The following FAM83D variants were observed in gnomAD, a reference collection of about 807,000 sequenced individuals.
FAM83D encodes the protein scaffolding CK1 anchoring protein D, also known as protein FAM83D.
FAM83D carries 26 observed loss-of-function variants against 25.4 expected under a neutral mutation model. That is an observed-to-expected ratio of 1.02 (90% CI 0.75 to 1.42). The LOEUF (loss-of-function observed/expected upper bound fraction) is 1.42. Ranked by LOEUF, FAM83D falls within the 40% of genes most tolerant of loss-of-function variation. The pLI, the probability that FAM83D is intolerant of heterozygous loss-of-function variation, is 0.00. For missense variants in FAM83D, 740 were observed against 758.1 expected (o/e 0.98, Z 0.28); for synonymous variants, 310 against 318.5 (o/e 0.97, Z 0.28).
Position 38,952,632 on chromosome 20 carries a change from T to C in FAM83D, c.*112T>C. 8.1e-7 allele frequency: 1 copy of C among 1,227,924 alleles called. No individual in the cohort carries two copies. Among genetic ancestry groups the C allele is most frequent in the Non-Finnish European group, 1.1e-6 (1 of 876,530 alleles). 76.1% of individuals were successfully genotyped at this position (1,227,924 alleles called of 1,614,324 possible). A position where few individuals can be genotyped will look rare whatever the true frequency, so the allele number is the denominator to read the frequency against. ...ATTGCCTTTCTTTTACCTGACTTTGTCACCTTTGTTGTCTTTGAATTCTTT... is the reference window on the plus strand; with the variant it reads ...ATTGCCTTTCTTTTACCTGACTTTGCCACCTTTGTTGTCTTTGAATTCTTT... On this transcript the variant is annotated 3_prime_UTR_variant, in exon 4 of 4. Coordinates refer to ENST00000619850, the MANE Select transcript of FAM83D (RefSeq NM_030919.3).
Position 38,952,335 on chromosome 20 carries a change from A to G in FAM83D, c.1573A>G (p.Arg525Gly). Residue 525 changes from arginine to glycine, a missense_variant, in exon 4 of 4, where the codon AGA becomes GGA. Arg to Gly is a moderately radical substitution (Grantham distance 125). This residue lies in a region of FAM83D where 375 missense variants were observed against 403.2 expected (regional missense o/e 0.93). Transcript: ENST00000619850. ...GGAACTGTACTTGAGTGACTCACTTAGAAACTTGAACAAAGAGCGGCAATT... is the reference window on the plus strand; with the variant it reads ...GGAACTGTACTTGAGTGACTCACTTGGAAACTTGAACAAAGAGCGGCAATT... Reference protein sequence around the residue: ...HLELYLSDSLRNLNKERQFHF... With the variant: ...HLELYLSDSLGNLNKERQFHF... 6.2e-7 allele frequency: 1 copy of G among 1,614,128 alleles called. No homozygotes were observed. The highest frequency in any genetic ancestry group is 8.5e-7 in the Non-Finnish European group (1 of 1,180,030).
intron 3 of FAM83D, among the ~76,000 whole-genome samples, chr20:38,951,012 A>C (rs117596898): frequency 0.014 from 2,162 of 152,204 alleles, 24 homozygotes; most frequent in Admixed American, 0.021. Context: ...TACTGGAGAC[A>C]GGGTTTCACC....
chr20:38,947,804 TCCTAACCA>T, intron 2 of FAM83D, 64 bp from the exon 3 acceptor site: 4 of 1,562,826 alleles, frequency 2.6e-6, no homozygotes, highest in Admixed American at 3.6e-5. Context: ...AGGCTTTTTG[TCCTAACCA>T]TTTGCTCAGC....
chr20:38,943,732 C>T (rs1468184078), intron 2 of FAM83D, among the ~76,000 whole-genome samples: 1 of 151,910 alleles, frequency 6.6e-6, no homozygotes, highest in Non-Finnish European at 1.5e-5. Context: ...CTCTTGTTGC[C>T]CAGGCTGGAG....
chr20:38,937,051 T>C (rs2085682003), intron 1 of FAM83D, among the ~76,000 whole-genome samples: 1 of 152,290 alleles, frequency 6.6e-6, no homozygotes, highest in Admixed American at 6.5e-5. Context: ...GCTCCAGATA[T>C]GGCTGGAGAA....
At chr20:38,937,823 T>G (rs2085684916) in intron 1 of FAM83D, among the ~76,000 whole-genome samples, 1 of 152,050 alleles carries the variant, frequency 6.6e-6, no homozygotes. Flanking sequence ...CCAGGTGTGG[T>G]GGCGTGTGCC....
At chr20:38,950,683 G>A (rs1601338967) in intron 3 of FAM83D, among the ~76,000 whole-genome samples, 3 of 150,286 alleles carry the variant, frequency 2.0e-5, no homozygotes, top group Admixed American at 2.0e-4. Flanking sequence ...TCCAGCAGTA[G>A]CTCCCCTCTG....
At chr20:38,938,728 G>A (rs1264905975) in intron 1 of FAM83D, among the ~76,000 whole-genome samples, 6 of 151,986 alleles carry the variant, frequency 3.9e-5, no homozygotes, top group Non-Finnish European at 7.4e-5. Context: ...CCCACTGCTC[G>A]GCTCTCCCAT....
rs758254488 is a variant in FAM83D, at chr20:38,951,705, A to T, written c.943A>T (p.Thr315Ser). 6.2e-7 allele frequency: 1 copy of T among 1,613,960 alleles called. No individual in the cohort carries two copies. The highest frequency in any genetic ancestry group is 1.3e-5 in the African/African-American group (1 of 74,876). ...FQSSNKFDHL[T>S]NRKPQSKELT... ...GAGCAGCAACAAGTTTGATCACCTC[A>T]CCAACCGAAAACCACAGTCCAAGGA... is the stretch of plus-strand genomic sequence containing the variant. The change falls in exon 4 of 4, where the codon ACC becomes TCC. Residue 315 changes from threonine (T) to serine (S), a missense_variant. Physicochemically the swap from Thr to Ser is moderately conservative, Grantham distance 58. Coordinates refer to ENST00000619850, the MANE Select transcript of FAM83D (RefSeq NM_030919.3).
In FAM83D at chr20:38,926,848, C is replaced by T; in HGVS notation, c.406C>T (p.Gln136Ter). 2 of 1,528,254 alleles carry T rather than the reference C, an allele frequency of 1.3e-6. No individual in the cohort carries two copies. The highest frequency in any genetic ancestry group is 1.7e-6 in the Non-Finnish European group (2 of 1,143,014). 94.7% of individuals were successfully genotyped at this position (1,528,254 alleles called of 1,614,324 possible). Residue 136 changes from glutamine to a stop codon, truncating the protein, a stop_gained, in exon 1 of 4, where the codon CAG becomes TAG. Coordinates refer to ENST00000619850, the MANE Select transcript of FAM83D (RefSeq NM_030919.3). LOFTEE classifies it high-confidence loss of function. ...RGATRVETHF[Q>*]PRGAGEGGPY... The stretch of plus-strand genomic sequence containing the variant: ...CGCCACGCGTGTCGAGACGCACTTC[C>T]AGCCCCGCGGCGCTGGCGAAGGTGG...
At position 38,951,717 on chromosome 20, in the gene FAM83D, C is replaced by T. The variant is rs140916362; in HGVS notation, c.955C>T (p.Pro319Ser). The change falls in exon 4 of 4, where the codon CCA (proline) becomes TCA (serine). Residue 319 changes from proline to serine, a missense_variant. Physicochemically the swap from Pro to Ser is moderately conservative, Grantham distance 74. Coordinates refer to ENST00000619850, the MANE Select transcript of FAM83D (RefSeq NM_030919.3). ...GTTTGATCACCTCACCAACCGAAAACCACAGTCCAAGGAGCTCACCCTGGG... is the reference window on the plus strand; with the variant it reads ...GTTTGATCACCTCACCAACCGAAAATCACAGTCCAAGGAGCTCACCCTGGG... ...NKFDHLTNRK[P>S]QSKELTLGNL... 2.0e-5 allele frequency: 32 copies of T among 1,614,186 alleles called. No homozygotes were observed. Among genetic ancestry groups the T allele is most frequent in the Middle Eastern group, 3.3e-4 (2 of 6,062 alleles).
chr20:38,947,782 A>G (rs2085734388), intron 2 of FAM83D, 94 bp from the exon 3 acceptor site: 1 of 1,446,308 alleles, frequency 6.9e-7, no homozygotes, highest in Non-Finnish European at 9.5e-7. Context: ...TATATCTGGG[A>G]ATTGTAAACT....
intron 3 of FAM83D, among the ~76,000 whole-genome samples, chr20:38,951,297 CT>C (rs1337048392): frequency 1.3e-5 from 2 of 152,148 alleles, no homozygotes; most frequent in Admixed American, 1.3e-4. Context: ...CAAAAAAACC[CT>C]CTGAGGCTGA....
In FAM83D at chr20:38,926,449, C is replaced by G. The variant is rs573681061; in HGVS notation, c.7C>G (p.Leu3Val). 3 of 1,598,782 alleles carry G rather than the reference C, an allele frequency of 1.9e-6. No homozygotes were observed. The highest frequency in any genetic ancestry group is 2.5e-6 in the Non-Finnish European group (3 of 1,178,956). The change falls in exon 1 of 4, where the codon CTG becomes GTG. Residue 3 changes from leucine (L) to valine (V), a missense_variant. Transcript: ENST00000619850. ...GTCGAGTCCGAGCGCCGCCATGGCT[C>G]TGCTGTCCGAGGGCCTGGACGAGGT... MALLSEGLDEVPA... is the reference protein window; with the variant it reads MAVLSEGLDEVPA...
In FAM83D at chr20:38,926,929, A is replaced by AG. The variant is rs2085638559; in HGVS notation, c.483+5dup. ...GCAGCTCCGCTCGGCGCGAGAGGTGAGCGGCCCTCCAGGGCCCTGGGTCGC... is the reference window on the plus strand; with the variant it reads ...GCAGCTCCGCTCGGCGCGAGAGGTGAGGCGGCCCTCCAGGGCCCTGGGTCGC... On this transcript the variant is annotated splice_donor_region_variant and intron_variant, in intron 1 of 3. Coordinates refer to ENST00000619850, the MANE Select transcript of FAM83D (RefSeq NM_030919.3). 6.9e-7 allele frequency: 1 copy of AG among 1,447,074 alleles called. No homozygotes were observed. The highest frequency in any genetic ancestry group is 1.5e-5 in the African/African-American group (1 of 68,142). 89.6% of individuals were successfully genotyped at this position (1,447,074 alleles called of 1,614,324 possible).
intron 1 of FAM83D, among the ~76,000 whole-genome samples, chr20:38,928,698 C>T (rs370868870): frequency 2.8e-4 from 43 of 152,292 alleles, no homozygotes; most frequent in African/African-American, 9.9e-4. Flanking sequence ...ATTAAACTCA[C>T]GTGCTGGCGT....
chr20:38,945,595 A>G (rs2085723677), intron 2 of FAM83D, among the ~76,000 whole-genome samples: 1 of 152,112 alleles, frequency 6.6e-6, no homozygotes, highest in African/African-American at 2.4e-5. Context: ...CGGTCGTTCC[A>G]CTAATGCCCT....
At chr20:38,949,673 C>T (rs1042944362) in intron 3 of FAM83D, among the ~76,000 whole-genome samples, 3 of 152,090 alleles carry the variant, frequency 2.0e-5, no homozygotes, top group Non-Finnish European at 2.9e-5. Context: ...TCGAAGAACC[C>T]GGAAGGAAGC....
In FAM83D at chr20:38,926,828, C is replaced by T. The variant is rs2085637755; in HGVS notation, c.386C>T (p.Thr129Met). Residue 129 changes from threonine (T) to methionine (M), a missense_variant, in exon 1 of 4, where the codon ACG (threonine) becomes ATG (methionine). Coordinates refer to ENST00000619850, the MANE Select transcript of FAM83D (RefSeq NM_030919.3). ...TACCAGGGCGCCTACCGCGGCGCCA[C>T]GCGTGTCGAGACGCACTTCCAGCCC... ...AFYQGAYRGA[T>M]RVETHFQPRG... The T allele has an allele frequency of 1.3e-6, 2 of 1,535,142 alleles. No homozygotes were observed. The highest frequency in any genetic ancestry group is 4.9e-5 in the East Asian group (2 of 40,764).
Sources: allele counts gnomAD v4.1 joint callset (sites outside exome capture counted in the v4.1 genomes callset), GRCh38; gene constraint gnomAD v4.1.1; regional missense constraint gnomAD v4.1.1; transcripts MANE v1.5; gene names NCBI Gene and HGNC (gene_info 2026-07-23, HGNC 2026-07-21).